Variants in HMCN1 observed in about 807,000 individuals in gnomAD.
The protein encoded by HMCN1 is hemicentin 1, also known as hemicentin-1.
HMCN1 carries 321 observed loss-of-function variants against 625.9 expected under a neutral mutation model. That is an observed-to-expected ratio of 0.51 (90% CI 0.47 to 0.56). The LOEUF is 0.56. HMCN1 is among the 20% of genes least tolerant of loss of function. HMCN1 has a pLI of 0.00. For synonymous variants in HMCN1, 2,425 were observed against 2,417.6 expected (o/e 1.00, Z -0.09); for missense variants, 6,588 against 6,887.3 (o/e 0.96, Z 1.54).
chr1:185,977,655 A>G, intron 15 of HMCN1, 132 bp from the exon 16 acceptor site: 2 of 699,780 alleles, frequency 2.9e-6, no homozygotes, highest in South Asian at 3.3e-5. Flanking sequence ...AGGAATATCA[A>G]CAGGGTAAAT....
chr1:186,063,220 T>C (rs1294581494), intron 48 of HMCN1, among the ~76,000 whole-genome samples: 1 of 150,960 alleles, frequency 6.6e-6, no homozygotes, highest in Non-Finnish European at 1.5e-5. Context: ...TTATGACTTA[T>C]TTTCCTTTGG....
chr1:186,165,080 C>T (rs1432485559), intron 97 of HMCN1, 31 bp from the exon 98 acceptor site: 4 of 1,598,774 alleles, frequency 2.5e-6, no homozygotes, highest in South Asian at 1.1e-5. Context: ...TTCCAATAAG[C>T]CAGTTAACTT....
intron 36 of HMCN1, among the ~76,000 whole-genome samples, chr1:186,028,522 G>A (rs1655207634): frequency 6.6e-6 from 1 of 152,026 alleles, no homozygotes; most frequent in Non-Finnish European, 1.5e-5. Flanking sequence ...GGTGTTTGAG[G>A]CATTGAACCA....
At chr1:186,124,668 T>G (rs2102499647) in intron 81 of HMCN1, among the ~76,000 whole-genome samples, 1 of 152,208 alleles carries the variant, frequency 6.6e-6, no homozygotes, top group East Asian at 1.9e-4. Context: ...AATTAACTAT[T>G]TTAATCGAAA....
At chr1:186,011,593 A>G (rs1300739679) in intron 30 of HMCN1, among the ~76,000 whole-genome samples, 1 of 152,218 alleles carries the variant, frequency 6.6e-6, no homozygotes, top group Non-Finnish European at 1.5e-5. Flanking sequence ...TGAATGTGAA[A>G]ATTTTCTTTG....
intron 4 of HMCN1, among the ~76,000 whole-genome samples, chr1:185,872,016 G>A (rs1663649482): frequency 6.6e-6 from 1 of 152,208 alleles, no homozygotes; most frequent in Non-Finnish European, 1.5e-5. Context: ...AGAAACGGGT[G>A]TTTCCTCTGA....
In HMCN1 at chr1:185,909,336, G is replaced by A. The variant is rs774659660; in HGVS notation, c.622-1G>A. The A allele has an allele frequency of 6.2e-7, 1 of 1,607,076 alleles. No individual in the cohort carries two copies. The highest frequency in any genetic ancestry group is 1.1e-5 in the South Asian group (1 of 90,922). ...CTTACACTTCTCTTTCTCTCTTATA[G>A]GTATTAAAATGGGTAGAAGAAGCAG... On this transcript the variant is annotated splice_acceptor_variant, in intron 4 of 106. Transcript: ENST00000271588. LOFTEE classifies it high-confidence loss of function.
At chr1:186,055,933 G>C (rs1657292469) in intron 45 of HMCN1, among the ~76,000 whole-genome samples, 1 of 151,944 alleles carries the variant, frequency 6.6e-6, no homozygotes, top group African/African-American at 2.4e-5. Flanking sequence ...GTCTTCAAAT[G>C]CTTTTGGTCC....
chr1:185,870,833 T>C (rs889629014), intron 4 of HMCN1, among the ~76,000 whole-genome samples: 2 of 152,152 alleles, frequency 1.3e-5, no homozygotes, highest in African/African-American at 4.8e-5. Context: ...TCTATAACAA[T>C]AGAACCAGGG....
intron 1 of HMCN1, among the ~76,000 whole-genome samples, chr1:185,770,603 A>G (rs1432640380): frequency 6.6e-6 from 1 of 152,092 alleles, no homozygotes; most frequent in Non-Finnish European, 1.5e-5. Context: ...TTTTTTTTGC[A>G]CTTGTAAATA....
At chr1:186,177,209 G>A (rs1652647033) in intron 103 of HMCN1, 1 of 151,990 alleles carries the variant, frequency 6.6e-6, no homozygotes, top group Non-Finnish European at 1.5e-5. Context: ...GGGAGGCTGA[G>A]ACAGGAGAAT....
intron 28 of HMCN1, among the ~76,000 whole-genome samples, chr1:186,002,685 C>T (rs1653276388): frequency 6.6e-6 from 1 of 152,028 alleles, no homozygotes; most frequent in African/African-American, 2.4e-5. Context: ...AGACTTCTTC[C>T]CTGAGCCTAG....
At chr1:185,794,668 C>A (rs1658248768) in intron 1 of HMCN1, among the ~76,000 whole-genome samples, 1 of 140,198 alleles carries the variant, frequency 7.1e-6, no homozygotes, top group South Asian at 2.2e-4. Flanking sequence ...TTAGGTGGTA[C>A]CCACCCAGAT....
intron 89 of HMCN1, among the ~76,000 whole-genome samples, chr1:186,139,597 GTTT>G (rs74329100): frequency 7.7e-6 from 1 of 130,426 alleles, no homozygotes; most frequent in Admixed American, 7.6e-5. Context: ...CTATTGGCTT[GTTT>G]TTTTTTTTTT....
rs768875856 is a variant in HMCN1, at chr1:186,114,093, A to G, written c.11246A>G (p.Asp3749Gly). 6 of 1,614,030 alleles carry G rather than the reference A, an allele frequency of 3.7e-6. No homozygotes were observed. The African/African-American group carries it at 6.7e-5, about 18-fold the overall frequency. Residue 3749 changes from aspartate (D) to glycine (G), a missense_variant, in exon 73 of 107, where the codon GAT becomes GGT. Physicochemically the swap from Asp to Gly is moderately conservative, Grantham distance 94. This residue lies in a region of HMCN1 where 4,628 missense variants were observed against 4,853.1 expected (regional missense o/e 0.95). Transcript: ENST00000271588. ...VPTPRITWRK[D>G]GAVLAGNHAR... The stretch of plus-strand genomic sequence containing the variant: ...ACTCCAAGGATAACATGGAGAAAGG[A>G]TGGAGCTGTTCTAGCTGGGAATCAT...
chr1:186,071,356 C>A (rs1356252823), intron 52 of HMCN1, among the ~76,000 whole-genome samples: 1 of 152,130 alleles, frequency 6.6e-6, no homozygotes, highest in African/African-American at 2.4e-5. Context: ...AACAGAGAAA[C>A]TTTAAATAAA....
chr1:185,783,666 G>T (rs1365555464), intron 1 of HMCN1, among the ~76,000 whole-genome samples: 1 of 152,182 alleles, frequency 6.6e-6, no homozygotes, highest in Non-Finnish European at 1.5e-5. Context: ...AGCAAATATT[G>T]CTGAACAGCA....
At chr1:185,970,270 C>T (rs1286903414) in intron 14 of HMCN1, 65 bp from the exon 15 acceptor site, 43 of 1,451,542 alleles carry the variant, frequency 3.0e-5, no homozygotes, top group Non-Finnish European at 1.6e-5. Flanking sequence ...TGAAATTAAA[C>T]CAATAGCTGC....
intron 11 of HMCN1, among the ~76,000 whole-genome samples, chr1:185,940,443 A>G (rs1349053429): frequency 2.6e-5 from 4 of 152,228 alleles, no homozygotes; most frequent in Non-Finnish European, 5.9e-5. Context: ...AGATGGACCT[A>G]TTTTAACTTG....
Sources: allele counts gnomAD v4.1 joint callset (sites outside exome capture counted in the v4.1 genomes callset), GRCh38; gene constraint gnomAD v4.1.1; regional missense constraint gnomAD v4.1.1; transcripts MANE v1.5; gene names NCBI Gene and HGNC (gene_info 2026-07-23, HGNC 2026-07-21).